NALF1: variants seen among roughly 807,000 people sequenced by gnomAD.
NALF1 encodes NALCN channel auxiliary factor 1.
In NALF1, 3 loss-of-function variants were observed where a neutral mutation model predicts 48.4. That is an observed-to-expected ratio of 0.06 (90% CI 0.03 to 0.16). The LOEUF is 0.16. Among genes scored for constraint, NALF1 ranks in the 10% least tolerant of loss-of-function variants. NALF1 has a pLI of 1.00. For synonymous variants in NALF1, 262 were observed against 245.7 expected, an observed-to-expected ratio of 1.07 and a Z score of -0.62; for missense variants, 526 against 571.5, an observed-to-expected ratio of 0.92 and a Z score of 0.81.
intron 1 of NALF1, among the ~76,000 whole-genome samples, chr13:107,479,145 G>A (rs1018114581): frequency 2.6e-5 from 4 of 152,046 alleles, no homozygotes; most frequent in Non-Finnish European, 5.9e-5. Flanking sequence ...CCAGATGAGA[G>A]GCAGCTGCTG....
chr13:107,790,852 A>G (rs538488232), intron 1 of NALF1, among the ~76,000 whole-genome samples: 95 of 146,892 alleles, frequency 6.5e-4, no homozygotes, highest in African/African-American at 2.1e-3. Context: ...AAAAATCTAT[A>G]AACATAGACT....
At position 107,722,881 on chromosome 13, in the gene NALF1, C is replaced by T. The variant is rs1448301750; in HGVS notation, c.915+142801G>A. Among the ~76,000 whole-genome samples, 6 of 152,190 alleles carry T rather than the reference C, an allele frequency of 3.9e-5. No individual in the cohort carries two copies. The East Asian group carries it at 9.6e-4, about 24-fold the overall frequency. On this transcript the variant is annotated intron_variant, in intron 1 of 2. Transcript: ENST00000375915. ...CCTTCCCTCTCACCTGGGTCCCAAGCGTAAGGCATTGCTGTACATGGCGGC... is the reference window on the plus strand; with the variant it reads ...CCTTCCCTCTCACCTGGGTCCCAAGTGTAAGGCATTGCTGTACATGGCGGC...
Position 107,407,317 on chromosome 13 carries a change from C to T in NALF1, c.916-196562G>A, listed in dbSNP as rs766324539. 2.0e-5 allele frequency among the ~76,000 whole-genome samples: 3 copies of T among 152,058 alleles called. No individual in the cohort carries two copies. The East Asian group carries it at 5.8e-4, about 29-fold the overall frequency. On this transcript the variant is annotated intron_variant, in intron 1 of 2. Coordinates refer to ENST00000375915, the MANE Select transcript of NALF1 (RefSeq NM_001080396.3). ...CAAAGGAAATAACACAGTGAAGAGA[C>T]AATCCACAGAATGGAAGGAAATATT...
At chr13:107,611,706 C>T (rs1301819202) in intron 1 of NALF1, among the ~76,000 whole-genome samples, 1 of 150,528 alleles carries the variant, frequency 6.6e-6, no homozygotes, top group African/African-American at 2.5e-5. Flanking sequence ...AAAAGCAAGA[C>T]CAAATTTCTA....
chr13:107,369,756 G>C (rs1423460391), intron 1 of NALF1, among the ~76,000 whole-genome samples: 7 of 152,076 alleles, frequency 4.6e-5, no homozygotes, highest in African/African-American at 1.7e-4. Flanking sequence ...TTTGGACAGT[G>C]ATATTATGAA....
At chr13:107,818,795 C>T (rs1162510536) in intron 1 of NALF1, among the ~76,000 whole-genome samples, 2 of 134,008 alleles carry the variant, frequency 1.5e-5, no homozygotes, top group Non-Finnish European at 3.0e-5. Context: ...TGACGTGAAC[C>T]CGGGAGGCGG....
chr13:107,494,114 C>G (rs1875243665), intron 1 of NALF1, among the ~76,000 whole-genome samples: 1 of 138,578 alleles, frequency 7.2e-6, no homozygotes, highest in South Asian at 2.1e-4. Context: ...ATTGTTAGAA[C>G]TACTGATAAA....
intron 1 of NALF1, among the ~76,000 whole-genome samples, chr13:107,370,659 A>G (rs1270217746): frequency 1.3e-5 from 2 of 152,154 alleles, no homozygotes; most frequent in Non-Finnish European, 2.9e-5. Flanking sequence ...GTCAGAGGGT[A>G]TACTGGAAAG....
At chr13:107,300,785 G>A (rs1244604697) in intron 1 of NALF1, among the ~76,000 whole-genome samples, 2 of 152,096 alleles carry the variant, frequency 1.3e-5, no homozygotes, top group East Asian at 1.9e-4. Context: ...TATCCATGAA[G>A]GTTTACCTAC....
At chr13:107,387,267 G>A (rs892468446) in intron 1 of NALF1, among the ~76,000 whole-genome samples, 1 of 152,124 alleles carries the variant, frequency 6.6e-6, no homozygotes, top group South Asian at 2.1e-4. Flanking sequence ...ATTACTCCTT[G>A]TATGAATTGA....
intron 1 of NALF1, among the ~76,000 whole-genome samples, chr13:107,228,879 C>T (rs998419645): frequency 6.6e-6 from 1 of 152,124 alleles, no homozygotes. Context: ...CCTTGGCCTC[C>T]CAAAGTGCTG....
At chr13:107,761,664 AT>A (rs1163306215) in intron 1 of NALF1, among the ~76,000 whole-genome samples, 1 of 152,230 alleles carries the variant, frequency 6.6e-6, no homozygotes, top group Non-Finnish European at 1.5e-5. Context: ...AGATGGAAAC[AT>A]TTAATGCCTA....
At chr13:107,571,501 T>C (rs1203549806) in intron 1 of NALF1, among the ~76,000 whole-genome samples, 2 of 152,132 alleles carry the variant, frequency 1.3e-5, no homozygotes, top group African/African-American at 4.8e-5. Flanking sequence ...TACGTCTGGG[T>C]AGATGGGAGC....
chr13:107,283,376 A>G (rs1253087695), intron 1 of NALF1, among the ~76,000 whole-genome samples: 1 of 152,112 alleles, frequency 6.6e-6, no homozygotes, highest in Non-Finnish European at 1.5e-5. Flanking sequence ...AAACAAGGAG[A>G]AACTGCCAGA....
chr13:107,413,734 A>C (rs752566359), intron 1 of NALF1, among the ~76,000 whole-genome samples: 4 of 150,576 alleles, frequency 2.7e-5, no homozygotes, highest in African/African-American at 4.8e-5. Flanking sequence ...ATGTTTTTCA[A>C]TCTTTCATTC....
At chr13:107,473,696 G>C (rs1885134883) in intron 1 of NALF1, among the ~76,000 whole-genome samples, 2 of 152,170 alleles carry the variant, frequency 1.3e-5, no homozygotes, top group East Asian at 3.9e-4. Flanking sequence ...GATTCTCATA[G>C]TCTTCATTTT....
rs555930606 is a variant in NALF1 at position 107,603,560 on chromosome 13, T to C, written c.915+262122A>G. The stretch of plus-strand genomic sequence containing the variant: ...CAAAAAGATAAAAATGGATTAGCCA[T>C]TATCATATAAAATGTACACTCCTCT... On this transcript the variant is annotated intron_variant, in intron 1 of 2. Transcript: ENST00000375915. Among the ~76,000 whole-genome samples, 37 of 152,330 alleles carry C rather than the reference T, an allele frequency of 2.4e-4. 1 individual carries two copies. In the South Asian group the frequency reaches 4.6e-3, roughly 19 times the overall value.
intron 1 of NALF1, among the ~76,000 whole-genome samples, chr13:107,367,380 C>A (rs367797084): frequency 6.6e-6 from 1 of 152,168 alleles, no homozygotes; most frequent in East Asian, 1.9e-4. Context: ...ATTAGACTGA[C>A]CTGAATGTGG....
chr13:107,574,814 T>C (rs1878088842), intron 1 of NALF1, among the ~76,000 whole-genome samples: 1 of 152,208 alleles, frequency 6.6e-6, no homozygotes, highest in Non-Finnish European at 1.5e-5. Context: ...AAAGATGTTA[T>C]CTTTAAATTA....
Sources: allele counts gnomAD v4.1 joint callset (sites outside exome capture counted in the v4.1 genomes callset), GRCh38; gene constraint gnomAD v4.1.1; transcripts MANE v1.5; gene names NCBI Gene and HGNC (gene_info 2026-07-23, HGNC 2026-07-21).